PIEZO1: variants seen among roughly 807,000 people sequenced by gnomAD.
PIEZO1 encodes piezo type mechanosensitive ion channel component 1 (Er blood group), also known as piezo-type mechanosensitive ion channel component 1.
A neutral mutation model predicts 297.2 loss-of-function variants in PIEZO1; 296 were observed. The observed-to-expected ratio is 1.00, with a 90% CI of 0.91 to 1.10. The LOEUF (loss-of-function observed/expected upper bound fraction) is 1.10. Among genes scored for constraint, PIEZO1 ranks in the 50% least tolerant of loss-of-function variants. The pLI is 0.00. For missense variants in PIEZO1, 5,018 were observed against 3,455.5 expected, an observed-to-expected ratio of 1.45 and a Z score of -11.34; for synonymous variants, 2,427 against 1,507.5, an observed-to-expected ratio of 1.61 and a Z score of -14.13.
intron 1 of PIEZO1, among the ~76,000 whole-genome samples, chr16:88,773,639 T>C (rs912087054): frequency 4.7e-5 from 7 of 148,310 alleles, no homozygotes; most frequent in African/African-American, 7.5e-5. Flanking sequence ...CAGCTGCCTA[T>C]TGGGTGACAG....
In PIEZO1 at chr16:88,715,397, C is replaced by A; in HGVS notation, c.*208G>T. 1 of 1,021,104 alleles carries A rather than the reference C, an allele frequency of 9.8e-7. No homozygotes were observed. Among genetic ancestry groups the A allele is most frequent in the Non-Finnish European group, 1.4e-6 (1 of 713,380 alleles). 63.3% of individuals were successfully genotyped at this position (1,021,104 alleles called of 1,614,324 possible). ...TAATTAAAAAAAAAACTCTACAGTACACGTGGGGGACGGCAGCGCCACGCA... is the reference window on the plus strand; with the variant it reads ...TAATTAAAAAAAAAACTCTACAGTAAACGTGGGGGACGGCAGCGCCACGCA... On this transcript the variant is annotated 3_prime_UTR_variant, in exon 51 of 51. Transcript: ENST00000301015.
intron 1 of PIEZO1, among the ~76,000 whole-genome samples, chr16:88,763,196 G>A (rs1907009768): frequency 6.6e-6 from 1 of 152,178 alleles, no homozygotes; most frequent in African/African-American, 2.4e-5. Context: ...ACGCAGGGCC[G>A]GCTCCTGGCG....
At chr16:88,757,343 A>T (rs1427324971) in intron 1 of PIEZO1, among the ~76,000 whole-genome samples, 1 of 138,328 alleles carries the variant, frequency 7.2e-6, no homozygotes, top group Non-Finnish European at 1.6e-5. Context: ...GTAGTTACCT[A>T]ACCTGCCTGC....
chr16:88,757,316 TGG>T (rs1465381132), intron 1 of PIEZO1, among the ~76,000 whole-genome samples: 7 of 3,818 alleles, frequency 1.8e-3, no homozygotes, highest in Non-Finnish European at 3.9e-3. Context: ...GGGGCGTTGC[TGG>T]CGGGGGGGTG....
At position 88,721,631 on chromosome 16, in the gene PIEZO1, C is replaced by A. The variant is rs148768393; in HGVS notation, c.5310G>T (p.Pro1770=). The change falls in exon 38 of 51, where the codon CCG becomes CCT. Residue 1770 remains proline (P), a synonymous_variant. Transcript: ENST00000301015. ...LRRYENKPYF[P]PRILGLEKTD... ...TCTTCTCCAGGCCCAGGATGCGGGGCGGGAAGTAGGGCTTGTTCTCGTAGC... is the reference window on the plus strand; with the variant it reads ...TCTTCTCCAGGCCCAGGATGCGGGGAGGGAAGTAGGGCTTGTTCTCGTAGC... 1.4e-5 allele frequency: 21 copies of A among 1,550,102 alleles called. No individual in the cohort carries two copies. Among genetic ancestry groups the A allele is most frequent in the East Asian group, 4.9e-5 (2 of 40,920 alleles).
chr16:88,782,063 A>G (rs1476090308), intron 1 of PIEZO1, among the ~76,000 whole-genome samples: 3 of 152,254 alleles, frequency 2.0e-5, no homozygotes, highest in Non-Finnish European at 2.9e-5. Flanking sequence ...TCCCACTGAT[A>G]GAACTGGAGG....
At chr16:88,748,477 G>A (rs1056071218) in intron 2 of PIEZO1, among the ~76,000 whole-genome samples, 1 of 115,006 alleles carries the variant, frequency 8.7e-6, no homozygotes, top group Non-Finnish European at 1.7e-5. Flanking sequence ...GTTCCCAAGG[G>A]GGGTCTCAGC....
At chr16:88,737,892 G>C (rs369381945) in intron 8 of PIEZO1, 42 bp downstream of exon 8, 3 of 1,531,834 alleles carry the variant, frequency 2.0e-6, no homozygotes, top group African/African-American at 2.7e-5. Flanking sequence ...CCAGCCCCAT[G>C]GCCTGGCCTC....
At chr16:88,728,212 C>T (rs892737079) in intron 22 of PIEZO1, among the ~76,000 whole-genome samples, 6 of 151,968 alleles carry the variant, frequency 3.9e-5, no homozygotes, top group Admixed American at 1.3e-4. Flanking sequence ...GGGATGGGAG[C>T]GGCCGGGGCC....
rs778603613 is a variant in PIEZO1 at position 88,721,724 on chromosome 16, G to A, written c.5217C>T (p.Ile1739=). The stretch of plus-strand genomic sequence containing the variant: ...GGAACAGGTACTTGACGACCACCGC[G>A]ATCTGTGGGGGAGGGGGCTCAGCAC... ...FWMTAIVFTE[I]AVVVKYLFQF... Residue 1739 remains isoleucine (I), a splice_region_variant and synonymous_variant, in exon 38 of 51, where the codon ATC becomes ATT. Transcript: ENST00000301015. 5.6e-5 allele frequency: 87 copies of A among 1,540,494 alleles called. 1 individual carries two copies. The Middle Eastern group carries it at 8.5e-4, about 15-fold the overall frequency.
At chr16:88,761,083 G>C (rs1470976760) in intron 1 of PIEZO1, among the ~76,000 whole-genome samples, 1 of 152,232 alleles carries the variant, frequency 6.6e-6, no homozygotes, top group African/African-American at 2.4e-5. Context: ...GCAGGGCAGG[G>C]TGGGGGTCCG....
At chr16:88,764,352 G>T (rs569261050) in intron 1 of PIEZO1, among the ~76,000 whole-genome samples, 1 of 152,164 alleles carries the variant, frequency 6.6e-6, no homozygotes, top group Non-Finnish European at 1.5e-5. Context: ...GCTGGATCCT[G>T]AGCAGGTAGA....
In PIEZO1 at chr16:88,726,832, G is replaced by A. The variant is rs758002349; in HGVS notation, c.3582C>T (p.Phe1194=). 10 of 1,550,280 alleles carry A rather than the reference G, an allele frequency of 6.5e-6. No individual in the cohort carries two copies. The South Asian group carries it at 7.1e-5, about 11-fold the overall frequency. The part of the protein sequence containing the change: ...IFGLGYLLAC[F]YLLLFGTALL... ...GGGCCGTGCCGAAGAGCAGCAGGTA[G>A]AAGCAGGCCAGCAGGTAGCCCAGCC... The change falls in exon 25 of 51, where the codon TTC becomes TTT. Residue 1194 remains phenylalanine, a synonymous_variant. Coordinates refer to ENST00000301015, the MANE Select transcript of PIEZO1 (RefSeq NM_001142864.4).
rs375454674 is a variant in PIEZO1 at position 88,720,066 on chromosome 16, C to T, written c.6164+3G>A. 4.8e-5 allele frequency: 75 copies of T among 1,550,254 alleles called. No individual in the cohort carries two copies. The East Asian group carries it at 1.5e-3, about 31-fold the overall frequency. ...GACCGAGCGCCCCCACGCGTGGGCC[C>T]ACCTCTCAGTGACGGCGGGCAGGAT... is the stretch of plus-strand genomic sequence containing the variant. On this transcript the variant is annotated splice_donor_region_variant and intron_variant, in intron 42 of 50. Coordinates refer to ENST00000301015, the MANE Select transcript of PIEZO1 (RefSeq NM_001142864.4).
At chr16:88,717,246 C>T in intron 44 of PIEZO1, 35 bp from the exon 45 acceptor site, 2 of 1,526,996 alleles carry the variant, frequency 1.3e-6, no homozygotes, top group Non-Finnish European at 1.8e-6. Flanking sequence ...ACGCTCAGCT[C>T]TGCCCTTCCT....
Position 88,738,278 on chromosome 16 carries a change from TAGC to T in PIEZO1, c.794_796del (p.Cys265del). 1.3e-6 allele frequency: 2 copies of T among 1,535,798 alleles called. No homozygotes were observed. Among genetic ancestry groups the T allele is most frequent in the Non-Finnish European group, 1.7e-6 (2 of 1,146,818 alleles). The stretch of plus-strand genomic sequence containing the variant: ...CAGAGCCTGTGCCAAGGGCATCTGG[TAGC>T]AGTAGAGGCAGATGAGATGGCCGGC... On this transcript the variant is annotated inframe_deletion, in exon 7 of 51. Coordinates refer to ENST00000301015, the MANE Select transcript of PIEZO1 (RefSeq NM_001142864.4).
intron 23 of PIEZO1, 121 bp from the exon 24 acceptor site, chr16:88,727,313 T>A: frequency 2.6e-6 from 3 of 1,167,442 alleles, no homozygotes; most frequent in Non-Finnish European, 3.5e-6. Context: ...CGGACACACG[T>A]CTGCCTGGGT....
chr16:88,747,442 C>T (rs976689171), intron 2 of PIEZO1, among the ~76,000 whole-genome samples: 3 of 151,646 alleles, frequency 2.0e-5, no homozygotes, highest in East Asian at 3.9e-4. Context: ...CTTGAACCCG[C>T]GAGGCGGAGG....
At position 88,749,493 on chromosome 16, in the gene PIEZO1, G is replaced by A. The variant is rs1339032218; in HGVS notation, c.65-14C>T. 2.6e-6 allele frequency: 4 copies of A among 1,520,970 alleles called. No individual in the cohort carries two copies. The highest frequency in any genetic ancestry group is 3.5e-6 in the Non-Finnish European group (4 of 1,138,898). 94.2% of individuals were successfully genotyped at this position (1,520,970 alleles called of 1,614,324 possible). On this transcript the variant is annotated splice_polypyrimidine_tract_variant and intron_variant, in intron 1 of 50. Transcript: ENST00000301015. ...GGAGCAGGCAGGCTGCGGGGAGATG[G>A]GCGTTAACTAGGTCGCCAACAGAGG...
Sources: allele counts gnomAD v4.1 joint callset (sites outside exome capture counted in the v4.1 genomes callset), GRCh38; gene constraint gnomAD v4.1.1; transcripts MANE v1.5; gene names NCBI Gene and HGNC (gene_info 2026-07-23, HGNC 2026-07-21).